WTIP: variants seen among roughly 807,000 people sequenced by gnomAD.
WTIP encodes Wilms tumor protein 1-interacting protein.
WTIP carries 23 observed loss-of-function variants against 41.7 expected under a neutral mutation model. That is an observed-to-expected ratio of 0.55 (90% CI 0.40 to 0.78). The LOEUF (loss-of-function observed/expected upper bound fraction) is 0.78, where lower values mean the gene tolerates loss of function less well. WTIP is among the 30% of genes least tolerant of loss of function. The pLI, the probability that WTIP is intolerant of heterozygous loss-of-function variation, is 0.00. For synonymous variants in WTIP, 314 were observed against 269.9 expected (o/e 1.16, Z -1.60); for missense variants, 619 against 610.5 (o/e 1.01, Z -0.15).
Position 34,500,250 on chromosome 19 carries a change from TG to T in WTIP, c.1275del (p.His426ThrfsTer187). 1 of 1,608,100 alleles carries T rather than the reference TG, an allele frequency of 6.2e-7. No individual in the cohort carries two copies. The highest frequency in any genetic ancestry group is 8.5e-7 in the Non-Finnish European group (1 of 1,179,208). On this transcript the variant is annotated frameshift_variant, in exon 8 of 8. Coordinates refer to ENST00000590071, the MANE Select transcript of WTIP (RefSeq NM_001080436.2). LOFTEE classifies it high-confidence loss of function. ...CCTGGGCCTCTTCCCTCACCCACTG[TG>T]CACGTCACTGAGCTCTGAGCAGGGG... ...LQPGPLPSPT[V>X]HVTEL is the part of the protein sequence containing the mutation.
intron 1 of WTIP, among the ~76,000 whole-genome samples, chr19:34,486,772 C>CT (rs2075799781): frequency 6.6e-6 from 1 of 152,140 alleles, no homozygotes; most frequent in African/African-American, 2.4e-5. Flanking sequence ...CAGTTGTAGT[C>CT]TGTCTTCACC....
chr19:34,490,326 G>C (rs776699832), intron 1 of WTIP, 50 bp from the exon 2 acceptor site: 2 of 1,574,444 alleles, frequency 1.3e-6, no homozygotes, highest in Non-Finnish European at 1.7e-6. Flanking sequence ...CGTCGGTGTG[G>C]CATAGGCTGT....
In WTIP at chr19:34,500,280, A is replaced by C; in HGVS notation, c.*11A>C. On this transcript the variant is annotated 3_prime_UTR_variant, in exon 8 of 8. Transcript: ENST00000590071. ...GTCACTGAGCTCTGAGCAGGGGAAA[A>C]CCCGTCCCTGGGCCGGGGTGGGTGT... 1 of 1,596,342 alleles carries C rather than the reference A, an allele frequency of 6.3e-7. No individual in the cohort carries two copies. Among genetic ancestry groups the C allele is most frequent in the Non-Finnish European group, 8.5e-7 (1 of 1,173,510 alleles).
In WTIP at chr19:34,482,397, C is replaced by G. The variant is rs1431258035; in HGVS notation, c.423C>G (p.Arg141=). The G allele has an allele frequency of 2.2e-6, 3 of 1,367,528 alleles. No individual in the cohort carries two copies. In the African/African-American group the frequency reaches 4.6e-5, roughly 21 times the overall value. The allele number at this position is 1,367,528 out of a possible 1,614,324, so 84.7% of individuals were successfully genotyped here. ...GPGPPSVGSA[R]SSVSSLGSRG... Reference sequence around the variant, plus strand: ...GGCCGCCTTCGGTGGGCAGCGCCCGCTCCAGCGTTTCCAGCCTCGGCTCCC... The same window carrying G: ...GGCCGCCTTCGGTGGGCAGCGCCCGGTCCAGCGTTTCCAGCCTCGGCTCCC... The change falls in exon 1 of 8, where the codon CGC becomes CGG. Residue 141 remains arginine (R), a synonymous_variant. Coordinates refer to ENST00000590071, the MANE Select transcript of WTIP (RefSeq NM_001080436.2).
rs533666585 is a variant in WTIP at position 34,500,286 on chromosome 19, C to T, written c.*17C>T. Reference sequence around the variant, plus strand: ...GAGCTCTGAGCAGGGGAAAACCCGTCCCTGGGCCGGGGTGGGTGTGGGTGT... The same window carrying T: ...GAGCTCTGAGCAGGGGAAAACCCGTTCCTGGGCCGGGGTGGGTGTGGGTGT... On this transcript the variant is annotated 3_prime_UTR_variant, in exon 8 of 8. Coordinates refer to ENST00000590071, the MANE Select transcript of WTIP (RefSeq NM_001080436.2). 3 of 1,595,272 alleles carry T rather than the reference C, an allele frequency of 1.9e-6. No individual in the cohort carries two copies. The highest frequency in any genetic ancestry group is 2.6e-6 in the Non-Finnish European group (3 of 1,173,176).
chr19:34,483,643 C>G (rs1476607869), intron 1 of WTIP, among the ~76,000 whole-genome samples: 1 of 152,242 alleles, frequency 6.6e-6, no homozygotes, highest in African/African-American at 2.4e-5. Flanking sequence ...GCTGCAGGTG[C>G]ATCTGCAAAG....
intron 6 of WTIP, 146 bp from the exon 7 acceptor site, chr19:34,495,557 C>T (rs1193708743): frequency 1.6e-5 from 13 of 813,858 alleles, no homozygotes; most frequent in Non-Finnish European, 2.2e-5. Context: ...GCCTGTCCCG[C>T]CCCACAGAAG....
At position 34,508,893 on chromosome 19, in the gene WTIP, A is replaced by G. The variant is rs2075923440; in HGVS notation, c.*8624A>G. The G allele has an allele frequency of 1.3e-5, 2 of 152,252 alleles. No individual in the cohort carries two copies. Among genetic ancestry groups the G allele is most frequent in the South Asian group, 2.1e-4 (1 of 4,834 alleles). 9.4% of individuals were successfully genotyped at this position (152,252 alleles called of 1,614,324 possible). A position where few individuals can be genotyped will look rare whatever the true frequency, so the allele number is the denominator to read the frequency against. ...ACCTTGCCCTCCTTTTCAAAAAAGT[A>G]AGTATGACTCCCACATGAAAATTTT... On this transcript the variant is annotated 3_prime_UTR_variant, in exon 8 of 8. Coordinates refer to ENST00000590071, the MANE Select transcript of WTIP (RefSeq NM_001080436.2).
At position 34,503,624 on chromosome 19, in the gene WTIP, C is replaced by G. The variant is rs2075898659; in HGVS notation, c.*3355C>G. The stretch of plus-strand genomic sequence containing the variant: ...ACACCTGTGCCTGTGCCTGGGGTCC[C>G]TGTCATCCTTCCCTGGTCTGAGTGG... On this transcript the variant is annotated 3_prime_UTR_variant, in exon 8 of 8. Coordinates refer to ENST00000590071, the MANE Select transcript of WTIP (RefSeq NM_001080436.2). The G allele has an allele frequency of 6.5e-6, 1 of 152,844 alleles. No homozygotes were observed. Among genetic ancestry groups the G allele is most frequent in the African/African-American group, 2.4e-5 (1 of 41,460 alleles). 9.5% of individuals were successfully genotyped at this position (152,844 alleles called of 1,614,324 possible).
At position 34,482,068 on chromosome 19, in the gene WTIP, C is replaced by CG; in HGVS notation, c.99dup (p.Arg34AlafsTer125). 1.9e-6 allele frequency: 2 copies of CG among 1,034,384 alleles called. No individual in the cohort carries two copies. The highest frequency in any genetic ancestry group is 1.2e-6 in the Non-Finnish European group (1 of 863,102). 64.1% of individuals were successfully genotyped at this position (1,034,384 alleles called of 1,614,324 possible). ...GGAGCCCGGGTGCGGCTCTCCCGGT[C>CG]GGGGGCGGCGGGGGCCGCGGCCTGG... On this transcript the variant is annotated frameshift_variant, in exon 1 of 8. Transcript: ENST00000590071. LOFTEE classifies it high-confidence loss of function.
rs147874648 is a variant in WTIP at position 34,511,774 on chromosome 19, A to C, written c.*11505A>C. 1.3e-5 allele frequency: 2 copies of C among 152,250 alleles called. No homozygotes were observed. The highest frequency in any genetic ancestry group is 2.9e-5 in the Non-Finnish European group (2 of 68,046). 9.4% of individuals were successfully genotyped at this position (152,250 alleles called of 1,614,324 possible). Reference sequence around the variant, plus strand: ...AGCTGTGAGAATGAGAATCTTTTGCATGCATTGGCCATGGGCTTCCCTTTT... The same window carrying C: ...AGCTGTGAGAATGAGAATCTTTTGCCTGCATTGGCCATGGGCTTCCCTTTT... On this transcript the variant is annotated 3_prime_UTR_variant, in exon 8 of 8. Transcript: ENST00000590071.
intron 7 of WTIP, 34 bp from the exon 8 acceptor site, chr19:34,500,095 T>C (rs1297757902): frequency 1.9e-6 from 3 of 1,594,576 alleles, no homozygotes; most frequent in African/African-American, 1.3e-5. Context: ...GCTTGTCTGC[T>C]GACTCTGGGG....
intron 1 of WTIP, among the ~76,000 whole-genome samples, chr19:34,485,818 C>A (rs1205117819): frequency 6.6e-6 from 1 of 152,160 alleles, no homozygotes; most frequent in East Asian, 1.9e-4. Context: ...TGGTCTTGAA[C>A]TTCTGGATTC....
intron 7 of WTIP, among the ~76,000 whole-genome samples, chr19:34,496,901 T>C (rs1484014708): frequency 1.3e-5 from 2 of 152,070 alleles, no homozygotes; most frequent in Non-Finnish European, 2.9e-5. Flanking sequence ...CTCACTCCGT[T>C]GCCCAGGCTG....
chr19:34,498,300 A>AC (rs139345321), intron 7 of WTIP, among the ~76,000 whole-genome samples: 7,471 of 151,976 alleles, frequency 0.049, 603 homozygotes, highest in African/African-American at 0.17. Flanking sequence ...TCTTCAGACC[A>AC]CCCGGGGGTG....
intron 7 of WTIP, among the ~76,000 whole-genome samples, chr19:34,498,856 T>C (rs932355480): frequency 1.2e-4 from 18 of 151,356 alleles, no homozygotes; most frequent in African/African-American, 4.1e-4. Flanking sequence ...GCTGAGATCA[T>C]GCCACTGCAC....
Position 34,504,215 on chromosome 19 carries a change from G to C in WTIP, c.*3946G>C, listed in dbSNP as rs751821395. 1 of 143,730 alleles carries C rather than the reference G, an allele frequency of 7.0e-6. No individual in the cohort carries two copies. The highest frequency in any genetic ancestry group is 2.2e-4 in the South Asian group (1 of 4,564). 8.9% of individuals were successfully genotyped at this position (143,730 alleles called of 1,614,324 possible). ...CTCCGAGAATGAGGGGGAAAGATACGGAGACAGGATAAGCTGCAGAGAGAG... is the reference window on the plus strand; with the variant it reads ...CTCCGAGAATGAGGGGGAAAGATACCGAGACAGGATAAGCTGCAGAGAGAG... On this transcript the variant is annotated 3_prime_UTR_variant, in exon 8 of 8. Coordinates refer to ENST00000590071, the MANE Select transcript of WTIP (RefSeq NM_001080436.2).
chr19:34,485,942 C>T (rs2075794980), intron 1 of WTIP, among the ~76,000 whole-genome samples: 2 of 152,026 alleles, frequency 1.3e-5, no homozygotes, highest in African/African-American at 4.8e-5. Context: ...TGTCCTTGGC[C>T]CTGGTACCAG....
rs374885283 is a variant in WTIP at position 34,493,462 on chromosome 19, C to A, written c.901-30C>A. The stretch of plus-strand genomic sequence containing the variant: ...AGGGCGGTGCTGAGCCTCCTGCCCG[C>A]GCTGACCCCTCAGTGTGCCCCGCCC... On this transcript the variant is annotated intron_variant, in intron 4 of 7. Transcript: ENST00000590071. The surrounding 1 kb of genome is among the most constrained non-coding windows in gnomAD (Gnocchi z 4.1). 6.2e-7 allele frequency: 1 copy of A among 1,611,944 alleles called. No homozygotes were observed. Among genetic ancestry groups the A allele is most frequent in the Admixed American group, 1.7e-5 (1 of 59,690 alleles).
Sources: gnomAD v4.1 joint callset for allele counts (sites outside exome capture counted in the v4.1 genomes callset) on GRCh38, gnomAD v4.1.1 for gene constraint, Gnocchi (gnomAD v3.1) non-coding constraint, MANE v1.5 for transcripts, NCBI Gene and HGNC (gene_info 2026-07-23, HGNC 2026-07-21) for gene names.